SAMD4A: variants seen among roughly 807,000 people sequenced by gnomAD.
SAMD4A encodes protein Smaug homolog 1.
Under a neutral mutation model 81.3 loss-of-function variants are expected in SAMD4A, and 33 were observed. That is an observed-to-expected ratio of 0.41 (90% CI 0.31 to 0.54). The LOEUF is 0.54. SAMD4A is among the 20% of genes least tolerant of loss of function. The pLI is 0.37. For missense variants in SAMD4A, 854 were observed against 951.1 expected (o/e 0.90, Z 1.34); for synonymous variants, 389 against 382.1 (o/e 1.02, Z -0.21).
chr14:54,606,810 G>A (rs1282056499), intron 2 of SAMD4A, among the ~76,000 whole-genome samples: 2 of 152,322 alleles, frequency 1.3e-5, no homozygotes, highest in African/African-American at 2.4e-5. Context: ...AGAATCTACA[G>A]ATTGCCTGTC....
chr14:54,741,807 A>G (rs1222288543), intron 4 of SAMD4A, among the ~76,000 whole-genome samples: 5 of 152,148 alleles, frequency 3.3e-5, no homozygotes, highest in African/African-American at 1.2e-4. Context: ...AGGGCATTCT[A>G]TGTAGAGGGA....
At chr14:54,669,127 C>T (rs1166305808) in intron 2 of SAMD4A, among the ~76,000 whole-genome samples, 1 of 152,240 alleles carries the variant, frequency 6.6e-6, no homozygotes, top group African/African-American at 2.4e-5. Flanking sequence ...GCTGTGGAGT[C>T]AGTAGCTACA....
chr14:54,662,947 A>G (rs985760436), intron 2 of SAMD4A, among the ~76,000 whole-genome samples: 2 of 152,184 alleles, frequency 1.3e-5, no homozygotes, highest in African/African-American at 4.8e-5. Flanking sequence ...AGTAAACCAA[A>G]GGTCACAGAC....
intron 2 of SAMD4A, among the ~76,000 whole-genome samples, chr14:54,586,341 G>A (rs772176344): frequency 1.3e-5 from 2 of 152,316 alleles, no homozygotes; most frequent in African/African-American, 2.4e-5. Context: ...TTTGTTGGAT[G>A]TATAGATTGT....
At chr14:54,744,427 A>C (rs2037918419) in intron 4 of SAMD4A, among the ~76,000 whole-genome samples, 1 of 152,178 alleles carries the variant, frequency 6.6e-6, no homozygotes, top group South Asian at 2.1e-4. Flanking sequence ...GGTTTATCTA[A>C]ATTCTAAAAA....
At chr14:54,613,541 C>T (rs937718254) in intron 2 of SAMD4A, among the ~76,000 whole-genome samples, 1 of 152,186 alleles carries the variant, frequency 6.6e-6, no homozygotes, top group Non-Finnish European at 1.5e-5. Context: ...ATGGTGCAAC[C>T]TCTATTCCAA....
chr14:54,687,265 C>T (rs1278769290), intron 2 of SAMD4A: 1 of 438,388 alleles, frequency 2.3e-6, no homozygotes, highest in Admixed American at 2.6e-5. Context: ...TCCTGCCCCT[C>T]CATGGGCAGT....
intron 2 of SAMD4A, among the ~76,000 whole-genome samples, chr14:54,618,240 A>G (rs761590441): frequency 2.0e-5 from 3 of 152,160 alleles, no homozygotes; most frequent in Non-Finnish European, 4.4e-5. Context: ...CCGTGAGCTG[A>G]TCATGCACAG....
intron 2 of SAMD4A, among the ~76,000 whole-genome samples, chr14:54,577,451 C>T (rs1455944148): frequency 1.3e-5 from 2 of 152,196 alleles, no homozygotes; most frequent in Non-Finnish European, 2.9e-5. Flanking sequence ...ATGACAGAAT[C>T]ATGATCAAAA....
At chr14:54,724,027 AGGAAG>A (rs2037345339) in intron 3 of SAMD4A, among the ~76,000 whole-genome samples, 1 of 150,860 alleles carries the variant, frequency 6.6e-6, no homozygotes, top group South Asian at 2.1e-4. Context: ...GAAGGAAGGA[AGGAAG>A]GAAGGAAGGA....
chr14:54,611,657 A>T (rs954951603), intron 2 of SAMD4A, among the ~76,000 whole-genome samples: 4 of 152,118 alleles, frequency 2.6e-5, no homozygotes, highest in Non-Finnish European at 5.9e-5. Flanking sequence ...TGGGCAGATG[A>T]CTTGAGGTCA....
At chr14:54,748,736 C>G in intron 4 of SAMD4A, 79 bp from the exon 5 acceptor site, 1 of 960,386 alleles carries the variant, frequency 1.0e-6, no homozygotes, top group Non-Finnish European at 1.6e-6. Context: ...CTTTTCCTTT[C>G]TCTGTTCCTA....
chr14:54,589,670 G>A (rs1238300463), intron 2 of SAMD4A, among the ~76,000 whole-genome samples: 3 of 152,196 alleles, frequency 2.0e-5, no homozygotes, highest in Non-Finnish European at 2.9e-5. Flanking sequence ...CATATACTGT[G>A]TTAGAGGTTG....
At chr14:54,740,588 A>T (rs760421187) in intron 4 of SAMD4A, among the ~76,000 whole-genome samples, 2 of 152,154 alleles carry the variant, frequency 1.3e-5, no homozygotes, top group African/African-American at 2.4e-5. Context: ...CCTTCCTTTC[A>T]TCTAGCTAGA....
chr14:54,656,552 T>A (rs1323332931), intron 2 of SAMD4A, among the ~76,000 whole-genome samples: 1 of 151,682 alleles, frequency 6.6e-6, no homozygotes, highest in Non-Finnish European at 1.5e-5. Flanking sequence ...GCCGAGATAC[T>A]TACACAGTTG....
intron 2 of SAMD4A, among the ~76,000 whole-genome samples, chr14:54,632,236 G>A (rs958295235): frequency 1.3e-4 from 20 of 152,246 alleles, no homozygotes; most frequent in African/African-American, 4.3e-4. Context: ...AAATGCAAAC[G>A]ATTATACGGT....
At chr14:54,752,714 G>T (rs1333899685) in intron 6 of SAMD4A, among the ~76,000 whole-genome samples, 2 of 152,156 alleles carry the variant, frequency 1.3e-5, no homozygotes, top group Non-Finnish European at 2.9e-5. Flanking sequence ...ACAACAGTGG[G>T]CCCAGGGGAC....
At chr14:54,712,909 G>A (rs185364003) in intron 3 of SAMD4A, among the ~76,000 whole-genome samples, 13 of 152,260 alleles carry the variant, frequency 8.5e-5, no homozygotes, top group African/African-American at 2.9e-4. Flanking sequence ...ATGGATTCTG[G>A]CTGGAATAAA....
intron 4 of SAMD4A, among the ~76,000 whole-genome samples, chr14:54,744,563 TGGACTTGCAGCAA>T (rs2037921872): frequency 6.6e-6 from 1 of 152,210 alleles, no homozygotes; most frequent in South Asian, 2.1e-4. Flanking sequence ...TAAATCAGTG[TGGACTTGCAGCAA>T]GGTCTAGGAG....
Sources: gnomAD v4.1 joint callset for allele counts (sites outside exome capture counted in the v4.1 genomes callset) on GRCh38, gnomAD v4.1.1 for gene constraint, MANE v1.5 for transcripts, NCBI Gene and HGNC (gene_info 2026-07-23, HGNC 2026-07-21) for gene names.